The following DAB1 variants were observed in gnomAD, a reference collection of about 807,000 sequenced individuals.
DAB1 encodes disabled homolog 1.
A neutral mutation model predicts 64.6 loss-of-function variants in DAB1; 15 were observed. That is an observed-to-expected ratio of 0.23 (90% CI 0.16 to 0.36). The LOEUF is 0.36. DAB1 is among the 10% of genes least tolerant of loss of function. The pLI, the probability that DAB1 is intolerant of heterozygous loss-of-function variation, is 1.00. For synonymous variants in DAB1, 235 were observed against 251.9 expected, an observed-to-expected ratio of 0.93 and a Z score of 0.64; for missense variants, 596 against 706.7, an observed-to-expected ratio of 0.84 and a Z score of 1.78.
chr1:57,022,580 T>C (rs1187857956), intron 11 of DAB1, among the ~76,000 whole-genome samples: 1 of 152,270 alleles, frequency 6.6e-6, no homozygotes, highest in Non-Finnish European at 1.5e-5. Flanking sequence ...ATTTTTAATT[T>C]ACTTTGAATA....
intron 5 of DAB1, among the ~76,000 whole-genome samples, chr1:58,131,559 C>G (rs1336989908): frequency 7.1e-6 from 1 of 141,214 alleles, no homozygotes; most frequent in African/African-American, 2.7e-5. Context: ...TCCAGTTTTT[C>G]TGTTCTGTTT....
At chr1:58,426,163 C>T (rs1644820201) in intron 3 of DAB1, among the ~76,000 whole-genome samples, 1 of 152,088 alleles carries the variant, frequency 6.6e-6, no homozygotes, top group South Asian at 2.1e-4. Flanking sequence ...AAAACTGAGG[C>T]CTAGAAAAGT....
chr1:57,535,585 C>T (rs1235637040), intron 7 of DAB1, among the ~76,000 whole-genome samples: 1 of 151,370 alleles, frequency 6.6e-6, no homozygotes, highest in African/African-American at 2.4e-5. Context: ...GCCTCAGCCT[C>T]CTGAGTAGCT....
chr1:57,818,632 T>A (rs988331043), intron 6 of DAB1, among the ~76,000 whole-genome samples: 2 of 151,940 alleles, frequency 1.3e-5, no homozygotes, highest in African/African-American at 4.8e-5. Flanking sequence ...ACGCATTAGG[T>A]TCTATTGCTC....
chr1:57,192,367 C>A (rs1015296186), intron 2 of DAB1, among the ~76,000 whole-genome samples: 17 of 151,248 alleles, frequency 1.1e-4, no homozygotes, highest in African/African-American at 4.1e-4. Flanking sequence ...AAAATATGAG[C>A]ACTGCATCTA....
intron 7 of DAB1, among the ~76,000 whole-genome samples, chr1:57,447,169 T>C (rs1482708821): frequency 6.6e-6 from 1 of 152,166 alleles, no homozygotes; most frequent in Non-Finnish European, 1.5e-5. Flanking sequence ...ATAATAGAGA[T>C]GGCCACTGAG....
intron 1 of DAB1, among the ~76,000 whole-genome samples, chr1:57,353,092 C>CAT (rs202173067): frequency 4.2e-5 from 6 of 141,814 alleles, no homozygotes; most frequent in African/African-American, 1.3e-4. Context: ...ACATATTTTC[C>CAT]ATATATATAT....
rs1645764404 is a variant in DAB1 at position 57,970,173 on chromosome 1, T to A, written n.388-86011A>T. ...CTCCATAACTATGAGAAATAATAGCTTATTGTCCATAAGCCATCGTGTCTA... is the reference window on the plus strand; with the variant it reads ...CTCCATAACTATGAGAAATAATAGCATATTGTCCATAAGCCATCGTGTCTA... On this transcript the variant is annotated intron_variant and non_coding_transcript_variant, in intron 5 of 20. Transcript: ENST00000485760. Among the ~76,000 whole-genome samples the A allele has an allele frequency of 2.6e-5, 4 of 152,302 alleles. No individual in the cohort carries two copies. The South Asian group carries it at 8.3e-4, about 32-fold the overall frequency.
chr1:57,956,665 G>C (rs1472330758), intron 5 of DAB1, among the ~76,000 whole-genome samples: 1 of 152,236 alleles, frequency 6.6e-6, no homozygotes, highest in Non-Finnish European at 1.5e-5. Flanking sequence ...CCATAAGAAT[G>C]AGGGAAGCTT....
At position 57,877,553 on chromosome 1, in the gene DAB1, T is replaced by TTA. The variant is rs1399903652; in HGVS notation, n.87+6445_87+6446insTA. On this transcript the variant is annotated intron_variant and non_coding_transcript_variant, in intron 1 of 1. Transcript: ENST00000477280. Reference sequence around the variant, plus strand: ...AAAATCCTAATTGATTTATTTTTTTTTTTTTTTTTTTTTTTTTTGAGACGG... The same window carrying TTA: ...AAAATCCTAATTGATTTATTTTTTTTTATTTTTTTTTTTTTTTTTTGAGACGG... Among the ~76,000 whole-genome samples the TTA allele has an allele frequency of 2.7e-4, 15 of 55,238 alleles. 5 individuals carry two copies. The highest frequency in any genetic ancestry group is 1.5e-3 in the African/African-American group (15 of 9,896). The allele number at this position is 55,238 out of a possible 152,430, so 36.2% of individuals were successfully genotyped here. A position where few individuals can be genotyped will look rare whatever the true frequency, so the allele number is the denominator to read the frequency against.
At chr1:57,738,504 C>T (rs1437613397) in intron 6 of DAB1, among the ~76,000 whole-genome samples, 1 of 152,100 alleles carries the variant, frequency 6.6e-6, no homozygotes, top group Non-Finnish European at 1.5e-5. Context: ...ACACATACCC[C>T]CAACCCCACA....
chr1:57,301,287 G>C (rs946280983), intron 1 of DAB1, among the ~76,000 whole-genome samples: 1 of 152,174 alleles, frequency 6.6e-6, no homozygotes, highest in African/African-American at 2.4e-5. Flanking sequence ...TCCCAGGGCA[G>C]AGTCTGACCT....
intron 3 of DAB1, among the ~76,000 whole-genome samples, chr1:58,488,526 A>G (rs1050081440): frequency 2.6e-5 from 4 of 152,152 alleles, no homozygotes; most frequent in African/African-American, 9.7e-5. Context: ...ATCTCAGATC[A>G]CTGCAACCTC....
intron 1 of DAB1, among the ~76,000 whole-genome samples, chr1:57,846,476 AT>A (rs899621303): frequency 7.6e-5 from 11 of 145,140 alleles, no homozygotes; most frequent in Non-Finnish European, 1.4e-4. Context: ...AAAAAAAAAA[AT>A]CAATGCTTCC....
chr1:57,028,483 A>C (rs1646862609), intron 9 of DAB1, among the ~76,000 whole-genome samples: 1 of 152,208 alleles, frequency 6.6e-6, no homozygotes, highest in African/African-American at 2.4e-5. Flanking sequence ...AAAGATACCC[A>C]AAAATGTGGA....
chr1:57,614,868 C>CTTTTTTTTTTTTTTT (rs34907824), intron 7 of DAB1, among the ~76,000 whole-genome samples: 6 of 38,740 alleles, frequency 1.5e-4, no homozygotes, highest in African/African-American at 2.3e-4. Context: ...TTCTTTCTTT[C>CTTTTTTTTTTTTTTT]TTTTTTTTTT....
intron 3 of DAB1, among the ~76,000 whole-genome samples, chr1:58,478,114 T>G (rs1220087590): frequency 6.6e-6 from 1 of 152,182 alleles, no homozygotes; most frequent in Non-Finnish European, 1.5e-5. Context: ...GGTAAGTGAT[T>G]GAATCATGGG....
chr1:57,227,461 A>G (rs1667350928), intron 2 of DAB1, among the ~76,000 whole-genome samples: 2 of 152,094 alleles, frequency 1.3e-5, no homozygotes, highest in Admixed American at 1.3e-4. Context: ...CTGGGTAAAT[A>G]GATAAGGAGC....
At chr1:58,379,701 T>G in intron 3 of DAB1, among the ~76,000 whole-genome samples, 1 of 152,220 alleles carries the variant, frequency 6.6e-6, no homozygotes, top group East Asian at 1.9e-4. Context: ...TGATAGTCTA[T>G]AGAGTTGGAA....
Sources: allele counts gnomAD v4.1 joint callset (sites outside exome capture counted in the v4.1 genomes callset), GRCh38; gene constraint gnomAD v4.1.1; transcripts MANE v1.5; gene names NCBI Gene and HGNC (gene_info 2026-07-23, HGNC 2026-07-21).